Variants in SHISA6 observed in about 807,000 individuals in gnomAD.
The protein encoded by SHISA6 is protein shisa-6.
Under a neutral mutation model 47.9 loss-of-function variants are expected in SHISA6, and 22 were observed. The ratio of observed to expected loss-of-function variants is 0.46; its 90% CI spans 0.33 to 0.66. The LOEUF (loss-of-function observed/expected upper bound fraction) is 0.66. Ranked by LOEUF, SHISA6 falls within the 30% of genes least tolerant of loss-of-function variation. The pLI, the probability that SHISA6 is intolerant of heterozygous loss-of-function variation, is 0.02. For missense variants in SHISA6, 680 were observed against 764.6 expected (o/e 0.89, Z 1.30); for synonymous variants, 388 against 337.8 (o/e 1.15, Z -1.63).
At chr17:11,489,254 T>G (rs557603650) in intron 3 of SHISA6, among the ~76,000 whole-genome samples, 42 of 152,256 alleles carry the variant, frequency 2.8e-4, no homozygotes, top group African/African-American at 9.4e-4. Context: ...TATGAAAATC[T>G]TTCTCTTCTG....
chr17:11,337,736 C>T (rs138833028), intron 2 of SHISA6, among the ~76,000 whole-genome samples: 219 of 152,320 alleles, frequency 1.4e-3, no homozygotes, highest in African/African-American at 5.0e-3. Flanking sequence ...GTCCATGTCA[C>T]AGTCCCCTCT....
Position 11,526,052 on chromosome 17 carries a change from A to G in SHISA6, c.896-25844A>G, listed in dbSNP as rs562770865. Among the ~76,000 whole-genome samples the G allele has an allele frequency of 6.0e-5, 9 of 149,916 alleles. No homozygotes were observed. In the South Asian group the frequency reaches 1.9e-3, roughly 32 times the overall value. On this transcript the variant is annotated intron_variant, in intron 3 of 5. Coordinates refer to ENST00000441885, the MANE Select transcript of SHISA6 (RefSeq NM_207386.4). ...CTGTCTTCAATAAACTAAGGGTATCACTCCGAAGTGAAGGTCAGTAAAAGC... is the reference window on the plus strand; with the variant it reads ...CTGTCTTCAATAAACTAAGGGTATCGCTCCGAAGTGAAGGTCAGTAAAAGC...
At chr17:11,485,567 T>C (rs952964631) in intron 3 of SHISA6, among the ~76,000 whole-genome samples, 4 of 152,234 alleles carry the variant, frequency 2.6e-5, no homozygotes, top group Admixed American at 2.0e-4. Flanking sequence ...GCCCCAGAGC[T>C]CTGGCCAACG....
chr17:11,310,712 T>C (rs974567993), intron 2 of SHISA6, among the ~76,000 whole-genome samples: 26 of 151,916 alleles, frequency 1.7e-4, no homozygotes, highest in African/African-American at 5.1e-4. Flanking sequence ...CGGTGGCTCA[T>C]GCCTATAATC....
chr17:11,525,638 AAAAAAAAAAAAAAC>A (rs1308939271), intron 3 of SHISA6, among the ~76,000 whole-genome samples: 11 of 93,566 alleles, frequency 1.2e-4, no homozygotes, highest in East Asian at 6.5e-4. Context: ...TCTCAAAAAA[AAAAAAAAAAAAAAC>A]AAAAAAAAAA....
intron 3 of SHISA6, among the ~76,000 whole-genome samples, chr17:11,419,524 G>T (rs1418441740): frequency 6.6e-6 from 1 of 152,136 alleles, no homozygotes; most frequent in African/African-American, 2.4e-5. Flanking sequence ...GTTAGATTAC[G>T]TTGAGTGAAC....
chr17:11,505,510 T>C (rs2071491677), intron 3 of SHISA6, among the ~76,000 whole-genome samples: 1 of 152,194 alleles, frequency 6.6e-6, no homozygotes, highest in Non-Finnish European at 1.5e-5. Context: ...ACTGTAAACA[T>C]AGTCTAGAAT....
At chr17:11,443,090 T>C (rs866245106) in intron 3 of SHISA6, among the ~76,000 whole-genome samples, 1 of 152,316 alleles carries the variant, frequency 6.6e-6, no homozygotes, top group African/African-American at 2.4e-5. Context: ...CTTAGGTATT[T>C]GAGTGGAGGT....
At chr17:11,547,392 T>C (rs1393845556) in intron 3 of SHISA6, among the ~76,000 whole-genome samples, 2 of 152,182 alleles carry the variant, frequency 1.3e-5, no homozygotes, top group Non-Finnish European at 2.9e-5. Context: ...TACAATACAA[T>C]AGAAAATTAA....
At chr17:11,438,957 G>T (rs924369456) in intron 3 of SHISA6, among the ~76,000 whole-genome samples, 2 of 152,116 alleles carry the variant, frequency 1.3e-5, no homozygotes, top group Non-Finnish European at 2.9e-5. Context: ...GGGAAGCAGA[G>T]CAAGGATGAA....
At chr17:11,343,757 G>A (rs1911610666) in intron 2 of SHISA6, among the ~76,000 whole-genome samples, 1 of 152,266 alleles carries the variant, frequency 6.6e-6, no homozygotes, top group African/African-American at 2.4e-5. Flanking sequence ...CCTATATGGA[G>A]TCATCCAGCT....
intron 3 of SHISA6, among the ~76,000 whole-genome samples, chr17:11,458,729 G>A (rs1469606067): frequency 6.6e-6 from 1 of 152,168 alleles, no homozygotes; most frequent in Non-Finnish European, 1.5e-5. Flanking sequence ...CTCCTGAGAA[G>A]ATAGCATAAT....
chr17:11,306,468 T>C (rs2142182097), intron 2 of SHISA6, among the ~76,000 whole-genome samples: 1 of 152,338 alleles, frequency 6.6e-6, no homozygotes, highest in East Asian at 1.9e-4. Context: ...ATTGAGACCC[T>C]GGTTCCGCTC....
intron 3 of SHISA6, among the ~76,000 whole-genome samples, chr17:11,462,761 G>T (rs1289577627): frequency 6.6e-6 from 1 of 152,094 alleles, no homozygotes; most frequent in Non-Finnish European, 1.5e-5. Context: ...CTGAGTAGCT[G>T]GGATTACAGG....
intron 3 of SHISA6, among the ~76,000 whole-genome samples, chr17:11,481,189 G>A (rs1031916289): frequency 6.6e-6 from 1 of 151,944 alleles, no homozygotes; most frequent in Non-Finnish European, 1.5e-5. Flanking sequence ...TGAGGCAGGA[G>A]ACTTATTTGA....
chr17:11,557,616 A>G (rs2071993848), intron 5 of SHISA6, 138 bp from the exon 6 acceptor site: 4 of 835,692 alleles, frequency 4.8e-6, no homozygotes, highest in Admixed American at 2.9e-5. Context: ...GTCCTAATCC[A>G]TAACTAAAGG....
chr17:11,386,251 T>G (rs1913191239), intron 3 of SHISA6, among the ~76,000 whole-genome samples: 1 of 152,154 alleles, frequency 6.6e-6, no homozygotes, highest in Non-Finnish European at 1.5e-5. Flanking sequence ...GGTGCACACC[T>G]GTAATTGCAG....
intron 3 of SHISA6, among the ~76,000 whole-genome samples, chr17:11,463,957 C>T (rs1003073570): frequency 6.6e-6 from 1 of 152,164 alleles, no homozygotes; most frequent in African/African-American, 2.4e-5. Context: ...TGTTCTGTCA[C>T]CCAGGCTGGA....
At chr17:11,480,606 A>G (rs1916186189) in intron 3 of SHISA6, among the ~76,000 whole-genome samples, 1 of 152,068 alleles carries the variant, frequency 6.6e-6, no homozygotes, top group African/African-American at 2.4e-5. Context: ...TGCTCCCCAC[A>G]TGGGTTCCAA....
Sources: allele counts gnomAD v4.1 joint callset (sites outside exome capture counted in the v4.1 genomes callset), GRCh38; gene constraint gnomAD v4.1.1; transcripts MANE v1.5; gene names NCBI Gene and HGNC (gene_info 2026-07-23, HGNC 2026-07-21).